The following GABRB1 variants were observed in gnomAD, a reference collection of about 807,000 sequenced individuals.
The protein encoded by GABRB1 is gamma-aminobutyric acid receptor subunit beta-1.
In GABRB1, 17 loss-of-function variants were observed where a neutral mutation model predicts 51.6. That is an observed-to-expected ratio of 0.33 (90% confidence interval 0.23 to 0.49). The LOEUF (loss-of-function observed/expected upper bound fraction) is 0.49, where lower values mean the gene tolerates loss of function less well. GABRB1 is among the 20% of genes least tolerant of loss of function. The pLI is 0.99. For synonymous variants in GABRB1, 247 were observed against 218.9 expected, an observed-to-expected ratio of 1.13 and a Z score of -1.14; for missense variants, 410 against 600.6, an observed-to-expected ratio of 0.68 and a Z score of 3.32.
intron 3 of GABRB1, among the ~76,000 whole-genome samples, chr4:47,110,070 A>T (rs1009654822): frequency 1.3e-5 from 2 of 152,156 alleles, no homozygotes; most frequent in Non-Finnish European, 1.5e-5. Context: ...CCTAAAAAAG[A>T]GATGAATTTG....
At chr4:47,066,094 A>G (rs980545849) in intron 3 of GABRB1, among the ~76,000 whole-genome samples, 1 of 152,198 alleles carries the variant, frequency 6.6e-6, no homozygotes, top group Non-Finnish European at 1.5e-5. Context: ...GGTGCCCAGA[A>G]ATACCATGAT....
At chr4:47,399,186 A>G (rs955879495) in intron 5 of GABRB1, among the ~76,000 whole-genome samples, 9 of 152,192 alleles carry the variant, frequency 5.9e-5, no homozygotes, top group Non-Finnish European at 1.2e-4. Context: ...ATAAATAATC[A>G]TATGGGTTTT....
chr4:47,262,420 G>T (rs1484098882), intron 4 of GABRB1, among the ~76,000 whole-genome samples: 7 of 152,154 alleles, frequency 4.6e-5, no homozygotes, highest in Admixed American at 3.9e-4. Flanking sequence ...AGACATTTAT[G>T]CAGCCAACAG....
chr4:47,131,278 C>A (rs917938636), intron 3 of GABRB1, among the ~76,000 whole-genome samples: 2 of 152,084 alleles, frequency 1.3e-5, no homozygotes, highest in East Asian at 3.9e-4. Flanking sequence ...CCTGCTTCAG[C>A]CTCTCGAGTA....
intron 4 of GABRB1, among the ~76,000 whole-genome samples, chr4:47,278,552 T>C (rs955628737): frequency 6.6e-6 from 1 of 152,094 alleles, no homozygotes; most frequent in Admixed American, 6.6e-5. Context: ...GCAAAGCCAA[T>C]AGGAACAATG....
intron 3 of GABRB1, among the ~76,000 whole-genome samples, chr4:47,132,547 T>C (rs1399350030): frequency 6.6e-6 from 1 of 152,224 alleles, no homozygotes; most frequent in African/African-American, 2.4e-5. Context: ...TCCACTCATT[T>C]ATGTTCTCTA....
chr4:47,357,965 C>G (rs1578119942), intron 5 of GABRB1, among the ~76,000 whole-genome samples: 1 of 152,252 alleles, frequency 6.6e-6, no homozygotes, highest in Non-Finnish European at 1.5e-5. Flanking sequence ...ATGTTGAGAG[C>G]TTATGATGTG....
intron 5 of GABRB1, among the ~76,000 whole-genome samples, chr4:47,378,030 C>A (rs188189319): frequency 1.3e-5 from 2 of 152,242 alleles, no homozygotes; most frequent in South Asian, 4.1e-4. Context: ...GCCAGTCCGG[C>A]ACCGTGCGCC....
intron 3 of GABRB1, among the ~76,000 whole-genome samples, chr4:47,112,402 C>A (rs1279714622): frequency 6.6e-6 from 1 of 152,122 alleles, no homozygotes; most frequent in African/African-American, 2.4e-5. Flanking sequence ...CCACACCCAG[C>A]CTAAAAAGTA....
At chr4:47,191,088 A>G (rs1372492) in intron 4 of GABRB1, among the ~76,000 whole-genome samples, 150,721 of 152,268 alleles carry the variant, frequency 0.99, 74,613 homozygotes, top group Middle Eastern at 1. Context: ...GAAAGAATAT[A>G]CCTACACAGA....
At chr4:47,170,403 GCACA>G (rs747687264) in intron 4 of GABRB1, among the ~76,000 whole-genome samples, 13 of 136,780 alleles carry the variant, frequency 9.5e-5, no homozygotes, top group Admixed American at 2.2e-4. Context: ...ACACACACAC[GCACA>G]CACACACACA....
intron 5 of GABRB1, among the ~76,000 whole-genome samples, chr4:47,342,487 AC>A (rs1725934957): frequency 6.6e-6 from 1 of 152,230 alleles, no homozygotes; most frequent in African/African-American, 2.4e-5. Context: ...ATAAAGCCAG[AC>A]CTGTCATTAC....
Position 47,111,729 on chromosome 4 carries a change from G to A in GABRB1, c.241-49520G>A, listed in dbSNP as rs553466966. ...AAAATACAACAATTAGCTGGGCAGG[G>A]TGGCACATACCTGTAGACCCAACTA... On this transcript the variant is annotated intron_variant, in intron 3 of 8. Transcript: ENST00000295454. Among the ~76,000 whole-genome samples the A allele has an allele frequency of 4.6e-5, 7 of 152,058 alleles. No homozygotes were observed. The East Asian group carries it at 5.8e-4, about 13-fold the overall frequency.
chr4:47,295,882 G>A (rs1723968542), intron 4 of GABRB1, among the ~76,000 whole-genome samples: 1 of 152,182 alleles, frequency 6.6e-6, no homozygotes, highest in Non-Finnish European at 1.5e-5. Flanking sequence ...ACCACAATGG[G>A]AAGCCCAGCA....
In GABRB1 at chr4:47,311,917, G is replaced by A. The variant is rs16860106; in HGVS notation, c.462-8210G>A. Among the ~76,000 whole-genome samples, 1,123 of 152,178 alleles carry A rather than the reference G, an allele frequency of 7.4e-3. 15 individuals carry two copies. Among genetic ancestry groups the A allele is most frequent in the African/African-American group, 0.026 (1,060 of 41,524 alleles). ...TGCTGAGGCTTTCCAAAGGGCTTAT[G>A]TAATCTCTGGCTTTGAATTGCTTCA... is the stretch of plus-strand genomic sequence containing the variant. On this transcript the variant is annotated intron_variant, in intron 4 of 8. Coordinates refer to ENST00000295454, the MANE Select transcript of GABRB1 (RefSeq NM_000812.4).
intron 3 of GABRB1, among the ~76,000 whole-genome samples, chr4:47,159,284 A>G (rs1479185937): frequency 6.6e-6 from 1 of 152,068 alleles, no homozygotes; most frequent in African/African-American, 2.4e-5. Flanking sequence ...TGTCTCTAAA[A>G]GAAAAGAAGA....
chr4:47,065,288 TAATA>T (rs1727028473), intron 3 of GABRB1, among the ~76,000 whole-genome samples: 1 of 152,248 alleles, frequency 6.6e-6, no homozygotes, highest in Non-Finnish European at 1.5e-5. Flanking sequence ...ATCTCTTGCA[TAATA>T]AAGATTTCTT....
At chr4:47,125,177 A>G (rs897013243) in intron 3 of GABRB1, among the ~76,000 whole-genome samples, 4 of 152,314 alleles carry the variant, frequency 2.6e-5, no homozygotes, top group Non-Finnish European at 4.4e-5. Context: ...AATGATATAT[A>G]CAAAGTTTTA....
chr4:47,160,979 G>A (rs1010419469), intron 3 of GABRB1, among the ~76,000 whole-genome samples: 19 of 151,852 alleles, frequency 1.3e-4, no homozygotes, highest in East Asian at 1.9e-4. Context: ...TTTTTGTAGA[G>A]ATGAGGTCTC....
Sources: gnomAD v4.1 joint callset for allele counts (sites outside exome capture counted in the v4.1 genomes callset) on GRCh38, gnomAD v4.1.1 for gene constraint, MANE v1.5 for transcripts, NCBI Gene and HGNC (gene_info 2026-07-23, HGNC 2026-07-21) for gene names.